The following CHPT1 variants were observed in gnomAD, a reference collection of about 807,000 sequenced individuals.
The protein encoded by CHPT1 is cholinephosphotransferase 1.
CHPT1 carries 36 observed loss-of-function variants against 47.6 expected under a neutral mutation model. The observed-to-expected ratio is 0.76, with a 90% CI of 0.58 to 1.00. The LOEUF (loss-of-function observed/expected upper bound fraction) is 1.00, where lower values mean the gene tolerates loss of function less well. CHPT1 is among the 50% of genes least tolerant of loss of function. The pLI, the probability that CHPT1 is intolerant of heterozygous loss-of-function variation, is 0.00. For missense variants in CHPT1, 458 were observed against 498.1 expected (o/e 0.92, Z 0.77); for synonymous variants, 194 against 186.3 (o/e 1.04, Z -0.33).
At chr12:101,721,220 G>A (rs760569902) in intron 5 of CHPT1, among the ~76,000 whole-genome samples, 10 of 152,052 alleles carry the variant, frequency 6.6e-5, no homozygotes, top group Non-Finnish European at 1.3e-4. Context: ...ACCAGGAGGC[G>A]GCGGTTGCAG....
intron 1 of CHPT1, among the ~76,000 whole-genome samples, chr12:101,703,731 A>G (rs562065323): frequency 2.4e-4 from 36 of 152,300 alleles, no homozygotes; most frequent in African/African-American, 7.0e-4. Flanking sequence ...GGCTCCCAGT[A>G]AACAATGTCA....
intron 1 of CHPT1, among the ~76,000 whole-genome samples, chr12:101,701,934 A>G (rs988234162): frequency 1.3e-5 from 2 of 152,146 alleles, no homozygotes; most frequent in Admixed American, 6.5e-5. Context: ...TGGTAGTTTT[A>G]AGTAGAGTAA....
intron 8 of CHPT1, 130 bp downstream of exon 8, chr12:101,726,534 A>G: frequency 7.7e-7 from 1 of 1,296,950 alleles, no homozygotes; most frequent in Non-Finnish European, 1.0e-6. Context: ...TTTGAATATA[A>G]AACATAAACC....
chr12:101,723,661 T>C, intron 6 of CHPT1, 61 bp from the exon 7 acceptor site: 2 of 1,026,284 alleles, frequency 1.9e-6, no homozygotes, highest in South Asian at 3.3e-5. Context: ...ATTAATTCTG[T>C]CGTAAAAGCT....
intron 1 of CHPT1, among the ~76,000 whole-genome samples, chr12:101,703,081 A>C (rs1432916550): frequency 6.6e-6 from 1 of 152,206 alleles, no homozygotes; most frequent in Non-Finnish European, 1.5e-5. Flanking sequence ...TCAAGTGTGG[A>C]TAAAACGTGG....
intron 7 of CHPT1, among the ~76,000 whole-genome samples, chr12:101,725,736 G>A (rs1199260681): frequency 6.6e-6 from 1 of 152,124 alleles, no homozygotes; most frequent in Non-Finnish European, 1.5e-5. Context: ...CAAGGGCAGA[G>A]CTATGAGTCT....
At chr12:101,723,100 A>G (rs763880019) in intron 5 of CHPT1, 68 bp from the exon 6 acceptor site, 16 of 1,413,536 alleles carry the variant, frequency 1.1e-5, no homozygotes, top group Non-Finnish European at 1.6e-5. Context: ...ATAGATGGTC[A>G]GAAAATGTCT....
intron 1 of CHPT1, among the ~76,000 whole-genome samples, chr12:101,706,281 C>A (rs1313592174): frequency 1.3e-5 from 2 of 150,612 alleles, no homozygotes; most frequent in South Asian, 2.1e-4. Flanking sequence ...ACCTGGGAGG[C>A]GGAGGTTGCA....
intron 1 of CHPT1, among the ~76,000 whole-genome samples, 156 bp downstream of exon 1, chr12:101,698,290 G>T (rs993417838): frequency 1.3e-5 from 2 of 152,202 alleles, no homozygotes; most frequent in Non-Finnish European, 2.9e-5. Flanking sequence ...GCCCTGGGCC[G>T]CCTGGAGACT....
intron 2 of CHPT1, 28 bp from the exon 3 acceptor site, chr12:101,714,476 A>G: frequency 6.4e-7 from 1 of 1,564,014 alleles, no homozygotes; most frequent in Non-Finnish European, 8.7e-7. Context: ...TTTAATTCTT[A>G]ATGATTCTTA....
At position 101,728,925 on chromosome 12, in the gene CHPT1, C is replaced by A; in HGVS notation, c.1201C>A (p.His401Asn). ...EQVQVLSSKS[H>N]QNNMD is the part of the protein sequence containing the mutation. The stretch of plus-strand genomic sequence containing the variant: ...GGTTCAAGTTCTTTCTTCAAAGAGT[C>A]ATCAGAATAACATGGATTGAAGAGA... The change falls in exon 9 of 9, where the codon CAT becomes AAT. Residue 401 changes from histidine to asparagine, a missense_variant. Physicochemically the swap from His to Asn is moderately conservative, Grantham distance 68. Coordinates refer to ENST00000229266, the MANE Select transcript of CHPT1 (RefSeq NM_020244.3). 6.2e-7 allele frequency: 1 copy of A among 1,613,454 alleles called. No individual in the cohort carries two copies. Among genetic ancestry groups the A allele is most frequent in the South Asian group, 1.1e-5 (1 of 91,048 alleles).
At chr12:101,704,177 G>GT (rs972977243) in intron 1 of CHPT1, among the ~76,000 whole-genome samples, 1 of 142,478 alleles carries the variant, frequency 7.0e-6, no homozygotes, top group Admixed American at 6.7e-5. Flanking sequence ...AAGCAAAGAG[G>GT]TTTTTTTGTT....
At chr12:101,698,221 C>G (rs1205603207) in intron 1 of CHPT1, 87 bp downstream of exon 1, 2 of 1,347,728 alleles carry the variant, frequency 1.5e-6, no homozygotes, top group Admixed American at 8.0e-5. Flanking sequence ...GACCCACGCG[C>G]GGCTGAGCCT....
Position 101,697,729 on chromosome 12 carries a change from C to T in CHPT1, c.-133C>T. 1 of 217,964 alleles carries T rather than the reference C, an allele frequency of 4.6e-6. No individual in the cohort carries two copies. Among genetic ancestry groups the T allele is most frequent in the Non-Finnish European group, 8.0e-6 (1 of 124,538 alleles). 13.5% of individuals were successfully genotyped at this position (217,964 alleles called of 1,614,324 possible). On this transcript the variant is annotated 5_prime_UTR_variant, in exon 1 of 9. Transcript: ENST00000229266. ...AGGCCGGCCTGACCTCGACCTCCGC[C>T]GTGCGGGCCCGACCGGTGAGTCCAG...
chr12:101,708,897 A>G (rs942231869), intron 1 of CHPT1, among the ~76,000 whole-genome samples: 2 of 149,114 alleles, frequency 1.3e-5, no homozygotes, highest in African/African-American at 2.4e-5. Context: ...ACATCCAGCC[A>G]TAAAAACTTT....
chr12:101,714,461 T>C, intron 2 of CHPT1, 43 bp from the exon 3 acceptor site: 1 of 1,516,592 alleles, frequency 6.6e-7, no homozygotes, highest in East Asian at 2.4e-5. Context: ...ATTTCATAAA[T>C]TATTTTTAAT....
At chr12:101,708,376 T>C (rs1047865819) in intron 1 of CHPT1, among the ~76,000 whole-genome samples, 1 of 152,042 alleles carries the variant, frequency 6.6e-6, no homozygotes, top group African/African-American at 2.4e-5. Context: ...TGATTTTTAG[T>C]AGTTATTTTG....
intron 4 of CHPT1, among the ~76,000 whole-genome samples, chr12:101,719,018 G>A (rs1320974859): frequency 3.3e-5 from 5 of 151,616 alleles, no homozygotes; most frequent in African/African-American, 1.2e-4. Flanking sequence ...TTAGCCGGGT[G>A]TGGTGATGGG....
At chr12:101,714,734 CA>C (rs1951740812) in intron 3 of CHPT1, 89 bp downstream of exon 3, 1 of 1,309,880 alleles carries the variant, frequency 7.6e-7, no homozygotes, top group Non-Finnish European at 1.0e-6. Flanking sequence ...ATAAGGAGAA[CA>C]AATCTTCAAT....
Sources: allele counts gnomAD v4.1 joint callset (sites outside exome capture counted in the v4.1 genomes callset), GRCh38; gene constraint gnomAD v4.1.1; transcripts MANE v1.5; gene names NCBI Gene and HGNC (gene_info 2026-07-23, HGNC 2026-07-21).